Variants in LUZP2 observed in about 807,000 individuals in gnomAD.
The protein encoded by LUZP2 is leucine zipper protein 2.
In LUZP2, 52 loss-of-function variants were observed where a neutral mutation model predicts 51.6. The ratio of observed to expected loss-of-function variants is 1.01; its 90% CI spans 0.81 to 1.27. The LOEUF (loss-of-function observed/expected upper bound fraction) is 1.27. Ranked by LOEUF, LUZP2 falls within the 50% of genes most tolerant of loss-of-function variation. LUZP2 has a pLI of 0.00. For synonymous variants in LUZP2, 154 were observed against 137.3 expected (o/e 1.12, Z -0.85); for missense variants, 436 against 395.4 (o/e 1.10, Z -0.87).
chr11:24,725,280 C>T (rs1858432315), intron 1 of LUZP2, among the ~76,000 whole-genome samples: 1 of 151,874 alleles, frequency 6.6e-6, no homozygotes, highest in Admixed American at 6.6e-5. Flanking sequence ...AATTTAAAAA[C>T]ATTTAGAAAA....
intron 1 of LUZP2, among the ~76,000 whole-genome samples, chr11:24,601,017 C>A (rs1853616245): frequency 6.6e-6 from 1 of 152,074 alleles, no homozygotes; most frequent in Admixed American, 6.6e-5. Context: ...TTTAGATGAT[C>A]TGATTGAACC....
In LUZP2 at chr11:25,080,145, T is replaced by G. The variant is rs1859424418; in HGVS notation, c.*1487T>G. On this transcript the variant is annotated 3_prime_UTR_variant, in exon 12 of 12. Transcript: ENST00000336930. Reference sequence around the variant, plus strand: ...CAACCACAATGGTTCAACTTAACGGTTTTTTCATGATTCTGTGAAAGCTTC... The same window carrying G: ...CAACCACAATGGTTCAACTTAACGGGTTTTTCATGATTCTGTGAAAGCTTC... The G allele has an allele frequency of 6.6e-6, 1 of 152,184 alleles. No homozygotes were observed. Among genetic ancestry groups the G allele is most frequent in the Non-Finnish European group, 1.5e-5 (1 of 68,032 alleles). 9.4% of individuals were successfully genotyped at this position (152,184 alleles called of 1,614,324 possible).
In LUZP2 at chr11:24,835,068, G is replaced by C. The variant is rs940673063; in HGVS notation, c.397-70923G>C. Among the ~76,000 whole-genome samples the C allele has an allele frequency of 2.0e-5, 3 of 151,878 alleles. No individual in the cohort carries two copies. In the East Asian group the frequency reaches 5.8e-4, roughly 29 times the overall value. On this transcript the variant is annotated intron_variant, in intron 5 of 11. Coordinates refer to ENST00000336930, the MANE Select transcript of LUZP2 (RefSeq NM_001009909.4). ...TTGCCTGTTCACTCTATACCACAAG[G>C]CTACAGTAACTAAAACAGCATGATA...
At chr11:24,757,189 C>T (rs544614370) in intron 4 of LUZP2, among the ~76,000 whole-genome samples, 231 of 152,190 alleles carry the variant, frequency 1.5e-3, no homozygotes, top group African/African-American at 5.3e-3. Flanking sequence ...AGTAAGAAAT[C>T]ACCGACAAAC....
At chr11:24,789,667 A>G (rs1849352940) in intron 5 of LUZP2, among the ~76,000 whole-genome samples, 1 of 152,196 alleles carries the variant, frequency 6.6e-6, no homozygotes, top group Non-Finnish European at 1.5e-5. Flanking sequence ...GATTTCTCAC[A>G]GTTCCAGAAG....
At position 24,807,309 on chromosome 11, in the gene LUZP2, CA is replaced by C. The variant is rs551102910; in HGVS notation, c.396+44004del. Among the ~76,000 whole-genome samples, 874 of 151,810 alleles carry C rather than the reference CA, an allele frequency of 5.8e-3. 7 individuals are homozygous for C. Among genetic ancestry groups the C allele is most frequent in the African/African-American group, 0.019 (782 of 41,418 alleles). On this transcript the variant is annotated intron_variant, in intron 5 of 11. Coordinates refer to ENST00000336930, the MANE Select transcript of LUZP2 (RefSeq NM_001009909.4). ...TGAAACACTGTCTCTACTAAAAATA[CA>C]AATTAGCCAGGCGTAGTGGTGAGTG...
chr11:24,627,917 A>G (rs1313976368), intron 1 of LUZP2, among the ~76,000 whole-genome samples: 1 of 152,142 alleles, frequency 6.6e-6, no homozygotes. Context: ...TTTAACTGAC[A>G]TTTACTAATT....
At chr11:24,606,910 AT>A (rs146367949) in intron 1 of LUZP2, among the ~76,000 whole-genome samples, 2,227 of 152,000 alleles carry the variant, frequency 0.015, 64 homozygotes, top group African/African-American at 0.05. Flanking sequence ...TATTGAGTAG[AT>A]TTTTATATAT....
chr11:24,618,040 C>T (rs1319052819), intron 1 of LUZP2, among the ~76,000 whole-genome samples: 1 of 152,008 alleles, frequency 6.6e-6, no homozygotes, highest in Admixed American at 6.6e-5. Flanking sequence ...CCCAGCAGAC[C>T]TCCACTGACA....
At chr11:24,754,290 C>T (rs1043880796) in intron 4 of LUZP2, among the ~76,000 whole-genome samples, 2 of 152,206 alleles carry the variant, frequency 1.3e-5, no homozygotes, top group Non-Finnish European at 2.9e-5. Context: ...AGCCATCATG[C>T]TCTGCCAGTG....
chr11:24,743,593 A>C (rs925306668), intron 4 of LUZP2, among the ~76,000 whole-genome samples: 1 of 151,972 alleles, frequency 6.6e-6, no homozygotes, highest in Non-Finnish European at 1.5e-5. Context: ...TTTTCAGAGG[A>C]GTCTTTAGGG....
intron 5 of LUZP2, among the ~76,000 whole-genome samples, chr11:24,817,292 C>A (rs11825887): frequency 6.6e-6 from 1 of 151,998 alleles, no homozygotes; most frequent in Non-Finnish European, 1.5e-5. Context: ...TAAGATATTT[C>A]GGACCCGGTG....
chr11:24,878,244 C>A (rs927744829), intron 5 of LUZP2, among the ~76,000 whole-genome samples: 2 of 151,782 alleles, frequency 1.3e-5, no homozygotes, highest in Non-Finnish European at 2.9e-5. Flanking sequence ...TTGATGAAAT[C>A]CCTCAGCTTT....
chr11:24,920,244 T>G (rs548821482), intron 7 of LUZP2, among the ~76,000 whole-genome samples: 1 of 152,126 alleles, frequency 6.6e-6, no homozygotes, highest in South Asian at 2.1e-4. Context: ...AAAACAATTT[T>G]AAAATACCAT....
At chr11:24,919,834 AAT>A (rs1853972428) in intron 7 of LUZP2, among the ~76,000 whole-genome samples, 1 of 151,156 alleles carries the variant, frequency 6.6e-6, no homozygotes, top group African/African-American at 2.4e-5. Flanking sequence ...AAAGAAATAC[AAT>A]AGTTTACTCT....
chr11:25,007,335 GCTCA>G, intron 9 of LUZP2, among the ~76,000 whole-genome samples: 1 of 152,172 alleles, frequency 6.6e-6, no homozygotes, highest in Admixed American at 6.5e-5. Flanking sequence ...AGATTTGGTG[GCTCA>G]CACCTGTAAT....
At chr11:24,770,580 T>TGTCA (rs1156779326) in intron 5 of LUZP2, among the ~76,000 whole-genome samples, 2 of 152,196 alleles carry the variant, frequency 1.3e-5, no homozygotes, top group African/African-American at 4.8e-5. Flanking sequence ...TTTGTTTTAA[T>TGTCA]GTCATTGCTC....
chr11:25,016,590 A>G (rs1050072847), intron 9 of LUZP2, among the ~76,000 whole-genome samples: 3 of 151,120 alleles, frequency 2.0e-5, no homozygotes, highest in African/African-American at 7.3e-5. Context: ...ATGGTGCAGT[A>G]TGTGTATATA....
chr11:24,592,678 G>A (rs1853301615), intron 1 of LUZP2, among the ~76,000 whole-genome samples: 1 of 86,238 alleles, frequency 1.2e-5, no homozygotes, highest in African/African-American at 3.9e-5. Context: ...TAATGGATGT[G>A]TGTTGGAGAA....
Sources: gnomAD v4.1 joint callset for allele counts (sites outside exome capture counted in the v4.1 genomes callset) on GRCh38, gnomAD v4.1.1 for gene constraint, MANE v1.5 for transcripts, NCBI Gene and HGNC (gene_info 2026-07-23, HGNC 2026-07-21) for gene names.